ZMAT4: variants seen among roughly 807,000 people sequenced by gnomAD.
The protein encoded by ZMAT4 is zinc finger matrin-type 4.
A neutral mutation model predicts 28.7 loss-of-function variants in ZMAT4; 17 were observed. The ratio of observed to expected loss-of-function variants is 0.59; its 90% confidence interval spans 0.41 to 0.89. The LOEUF (loss-of-function observed/expected upper bound fraction) is 0.89. Among genes scored for constraint, ZMAT4 ranks in the 40% least tolerant of loss-of-function variants. ZMAT4 has a pLI of 0.00. For missense variants in ZMAT4, 240 were observed against 283.8 expected, an observed-to-expected ratio of 0.85 and a Z score of 1.11; for synonymous variants, 117 against 109.2, an observed-to-expected ratio of 1.07 and a Z score of -0.44.
At chr8:40,718,837 A>G (rs1220217924) in intron 3 of ZMAT4, among the ~76,000 whole-genome samples, 4 of 152,246 alleles carry the variant, frequency 2.6e-5, no homozygotes. Context: ...CCAAAGTGGA[A>G]GCAATTATCT....
chr8:40,626,506 G>C (rs149519961), intron 5 of ZMAT4, among the ~76,000 whole-genome samples: 1 of 152,354 alleles, frequency 6.6e-6, no homozygotes, highest in East Asian at 1.9e-4. Flanking sequence ...GCCCAGGGCA[G>C]ACTCTAGGCT....
intron 1 of ZMAT4, among the ~76,000 whole-genome samples, chr8:40,866,782 T>C (rs1207763641): frequency 6.6e-6 from 1 of 152,182 alleles, no homozygotes; most frequent in East Asian, 1.9e-4. Context: ...TATGTGGATA[T>C]CCAACAGGAT....
chr8:40,647,730 A>G (rs1160666242), intron 5 of ZMAT4, among the ~76,000 whole-genome samples: 1 of 152,208 alleles, frequency 6.6e-6, no homozygotes, highest in Admixed American at 6.5e-5. Flanking sequence ...TGGAGATCTG[A>G]GAACGGACAG....
At chr8:40,816,055 G>A (rs891282364) in intron 2 of ZMAT4, among the ~76,000 whole-genome samples, 10 of 152,070 alleles carry the variant, frequency 6.6e-5, no homozygotes, top group Non-Finnish European at 1.2e-4. Flanking sequence ...CAGATACACA[G>A]TGCACAGAGA....
chr8:40,891,516 G>A (rs1201850949), intron 1 of ZMAT4, among the ~76,000 whole-genome samples: 1 of 152,026 alleles, frequency 6.6e-6, no homozygotes, highest in African/African-American at 2.4e-5. Flanking sequence ...CACACCCTGG[G>A]CTCCCTGCCT....
intron 3 of ZMAT4, among the ~76,000 whole-genome samples, chr8:40,732,299 A>G (rs879795459): frequency 6.6e-6 from 1 of 152,178 alleles, no homozygotes; most frequent in East Asian, 1.9e-4. Flanking sequence ...AAGAGTGCCT[A>G]CAACGGGAAG....
intron 5 of ZMAT4, among the ~76,000 whole-genome samples, chr8:40,639,265 T>C (rs1038804153): frequency 1.3e-5 from 2 of 152,192 alleles, no homozygotes; most frequent in African/African-American, 4.8e-5. Flanking sequence ...TTATGAAAAT[T>C]GGGGATATAA....
Position 40,733,462 on chromosome 8 carries a change from A to G in ZMAT4, c.192+34179T>C, listed in dbSNP as rs867268598. On this transcript the variant is annotated intron_variant, in intron 3 of 6. Coordinates refer to ENST00000297737, the MANE Select transcript of ZMAT4 (RefSeq NM_024645.3). ...ACAGGACTTGTGTTAATATTATTAT[A>G]TACTTCAAAGTGAATCTTGTGTATT... Among the ~76,000 whole-genome samples, 39 of 152,220 alleles carry G rather than the reference A, an allele frequency of 2.6e-4. 1 individual carries two copies. The highest frequency in any genetic ancestry group is 5.1e-4 in the Non-Finnish European group (35 of 68,046).
At chr8:40,545,290 C>A (rs927297144) in intron 6 of ZMAT4, among the ~76,000 whole-genome samples, 1 of 152,114 alleles carries the variant, frequency 6.6e-6, no homozygotes, top group African/African-American at 2.4e-5. Context: ...TTACACTATG[C>A]TAGGCCATTC....
At chr8:40,816,466 G>A (rs1470862318) in intron 2 of ZMAT4, among the ~76,000 whole-genome samples, 1 of 152,024 alleles carries the variant, frequency 6.6e-6, no homozygotes, top group Non-Finnish European at 1.5e-5. Flanking sequence ...GTAGATATTG[G>A]GGTTATCCTT....
chr8:40,599,873 T>A (rs1805239329), intron 5 of ZMAT4, among the ~76,000 whole-genome samples: 1 of 152,172 alleles, frequency 6.6e-6, no homozygotes, highest in Non-Finnish European at 1.5e-5. Context: ...CCTTCTGTTA[T>A]CTTTCCTTAC....
At chr8:40,658,395 G>A (rs150967868) in intron 5 of ZMAT4, among the ~76,000 whole-genome samples, 207 of 152,108 alleles carry the variant, frequency 1.4e-3, no homozygotes, top group African/African-American at 4.5e-3. Context: ...TTTGAAAGCC[G>A]GCAGCAAACT....
At chr8:40,608,886 C>A (rs936829956) in intron 5 of ZMAT4, among the ~76,000 whole-genome samples, 2 of 152,198 alleles carry the variant, frequency 1.3e-5, no homozygotes, top group East Asian at 1.9e-4. Context: ...CAGGGGCAGA[C>A]TTTCCCCCTT....
chr8:40,703,032 A>G lies in ZMAT4; in HGVS notation c.193-5631T>C, dbSNP rs1810212197. Among the ~76,000 whole-genome samples the G allele has an allele frequency of 2.7e-5, 4 of 147,626 alleles. No individual in the cohort carries two copies. In the South Asian group the frequency reaches 9.0e-4, roughly 33 times the overall value. On this transcript the variant is annotated intron_variant, in intron 3 of 6. Transcript: ENST00000297737. ...AATTTACTATATATATATATATTCAATAAGGTGTCTCTAAACAGAAACACA... is the reference window on the plus strand; with the variant it reads ...AATTTACTATATATATATATATTCAGTAAGGTGTCTCTAAACAGAAACACA...
chr8:40,611,740 A>T (rs573886781), intron 5 of ZMAT4, among the ~76,000 whole-genome samples: 1 of 152,220 alleles, frequency 6.6e-6, no homozygotes, highest in East Asian at 1.9e-4. Flanking sequence ...CTTCTGGAGA[A>T]AATGTTTGTC....
At chr8:40,699,326 G>A (rs1810030239) in intron 3 of ZMAT4, among the ~76,000 whole-genome samples, 1 of 152,110 alleles carries the variant, frequency 6.6e-6, no homozygotes, top group African/African-American at 2.4e-5. Flanking sequence ...TAAAATTTGT[G>A]TACATTTGAG....
chr8:40,844,304 G>A (rs933160191), intron 1 of ZMAT4, among the ~76,000 whole-genome samples: 6 of 152,254 alleles, frequency 3.9e-5, no homozygotes, highest in African/African-American at 1.4e-4. Context: ...TTTGAATTGC[G>A]TAGACTGAGC....
At chr8:40,768,708 CAAA>C (rs75718305) in intron 2 of ZMAT4, among the ~76,000 whole-genome samples, 33,278 of 152,088 alleles carry the variant, frequency 0.22, 3,803 homozygotes, top group Non-Finnish European at 0.25. Context: ...TCATAAGAAT[CAAA>C]TGAGACATTG....
At chr8:40,895,375 G>A (rs1029422046) in intron 1 of ZMAT4, among the ~76,000 whole-genome samples, 1 of 152,236 alleles carries the variant, frequency 6.6e-6, no homozygotes, top group Admixed American at 6.5e-5. Flanking sequence ...CTCCAAACTG[G>A]ATCGCAGCAG....
Sources: allele counts gnomAD v4.1 joint callset (sites outside exome capture counted in the v4.1 genomes callset), GRCh38; gene constraint gnomAD v4.1.1; transcripts MANE v1.5; gene names NCBI Gene and HGNC (gene_info 2026-07-23, HGNC 2026-07-21).